DKK2: variants seen among roughly 807,000 people sequenced by gnomAD.
DKK2 encodes the protein dickkopf-related protein 2.
In DKK2, 11 loss-of-function variants were observed where a neutral mutation model predicts 28.1. That is an observed-to-expected ratio of 0.39 (90% CI 0.25 to 0.65). DKK2 has a LOEUF of 0.65. DKK2 is among the 30% of genes least tolerant of loss of function. The probability of loss-of-function intolerance (pLI) is 0.47; values close to 1 mark genes in which losing one functional copy is unlikely to be tolerated. For missense variants in DKK2, 326 were observed against 335.5 expected, an observed-to-expected ratio of 0.97 and a Z score of 0.22; for synonymous variants, 135 against 126.5, an observed-to-expected ratio of 1.07 and a Z score of -0.45.
intron 1 of DKK2, among the ~76,000 whole-genome samples, chr4:106,959,051 T>C (rs1021422571): frequency 6.6e-6 from 1 of 151,994 alleles, no homozygotes; most frequent in Non-Finnish European, 1.5e-5. Flanking sequence ...AGATATTAAA[T>C]ACATATGTGT....
At chr4:107,022,045 G>A (rs944698253) in intron 1 of DKK2, among the ~76,000 whole-genome samples, 6 of 152,004 alleles carry the variant, frequency 3.9e-5, no homozygotes, top group African/African-American at 1.4e-4. Flanking sequence ...AAAGCAGAAT[G>A]TTTCCATCCT....
intron 1 of DKK2, among the ~76,000 whole-genome samples, chr4:106,965,789 C>T (rs922139759): frequency 2.2e-5 from 3 of 136,958 alleles, no homozygotes; most frequent in Non-Finnish European, 4.6e-5. Context: ...TATTCCCCTT[C>T]CTGTGTCCAT....
chr4:106,935,808 C>G (rs544424321), intron 1 of DKK2, among the ~76,000 whole-genome samples: 5 of 152,290 alleles, frequency 3.3e-5, no homozygotes, highest in African/African-American at 4.8e-5. Context: ...GTCTCTGAAC[C>G]CTGACCCCCG....
intron 1 of DKK2, among the ~76,000 whole-genome samples, chr4:106,969,748 A>G (rs1424745681): frequency 1.3e-5 from 2 of 152,118 alleles, no homozygotes; most frequent in Non-Finnish European, 2.9e-5. Flanking sequence ...GGTGGCAGCA[A>G]AAGGAAAAGG....
At chr4:106,967,038 C>T (rs1387690316) in intron 1 of DKK2, among the ~76,000 whole-genome samples, 1 of 152,096 alleles carries the variant, frequency 6.6e-6, no homozygotes, top group Non-Finnish European at 1.5e-5. Flanking sequence ...GGAGGAACAA[C>T]TGTATTTAAA....
At chr4:106,948,478 T>C (rs902678792) in intron 1 of DKK2, among the ~76,000 whole-genome samples, 1 of 152,170 alleles carries the variant, frequency 6.6e-6, no homozygotes, top group African/African-American at 2.4e-5. Flanking sequence ...AGTCAGCTTG[T>C]AGGGGGTACT....
At chr4:106,956,055 T>C (rs1354492116) in intron 1 of DKK2, among the ~76,000 whole-genome samples, 2 of 152,182 alleles carry the variant, frequency 1.3e-5, no homozygotes, top group Non-Finnish European at 2.9e-5. Context: ...CCCAAAACAG[T>C]TTCTGGTACA....
chr4:107,030,220 G>T (rs1161631430), intron 1 of DKK2, among the ~76,000 whole-genome samples: 1 of 152,060 alleles, frequency 6.6e-6, no homozygotes, highest in African/African-American at 2.4e-5. Flanking sequence ...TTCTTTGAAA[G>T]AATGCTTTAT....
Position 106,925,790 on chromosome 4 carries a change from A to C in DKK2, c.373+9T>G. On this transcript the variant is annotated intron_variant, in intron 2 of 3. Coordinates refer to ENST00000285311, the MANE Select transcript of DKK2 (RefSeq NM_014421.3). ...AAGAGGCCCATTAACACTTAGTGAGATCTTTTACCATTATTGCAGCGGGTA... is the reference window on the plus strand; with the variant it reads ...AAGAGGCCCATTAACACTTAGTGAGCTCTTTTACCATTATTGCAGCGGGTA... 6.2e-7 allele frequency: 1 copy of C among 1,603,248 alleles called. No individual in the cohort carries two copies.
At chr4:106,999,946 C>T (rs113748743) in intron 1 of DKK2, among the ~76,000 whole-genome samples, 27 of 151,752 alleles carry the variant, frequency 1.8e-4, no homozygotes, top group African/African-American at 6.0e-4. Context: ...AATCTCACTA[C>T]AAAAATGCAT....
At chr4:107,019,776 T>C (rs1020176981) in intron 1 of DKK2, among the ~76,000 whole-genome samples, 4 of 152,060 alleles carry the variant, frequency 2.6e-5, no homozygotes, top group African/African-American at 7.2e-5. Context: ...CTACAGAATA[T>C]CACTCCCTCA....
In DKK2 at chr4:106,929,961, C is replaced by T. The variant is rs756976884; in HGVS notation, c.223-4012G>A. 3.9e-5 allele frequency among the ~76,000 whole-genome samples: 6 copies of T among 152,158 alleles called. No homozygotes were observed. The South Asian group carries it at 6.2e-4, about 16-fold the overall frequency. ...AATAGTGAGAGTTTAAAGGATACAT[C>T]GACAAGGTGACTGAGTGGTGACCTA... On this transcript the variant is annotated intron_variant, in intron 1 of 3. Transcript: ENST00000285311.
chr4:107,013,689 T>C (rs917880250), intron 1 of DKK2, among the ~76,000 whole-genome samples: 2 of 151,302 alleles, frequency 1.3e-5, no homozygotes, highest in Admixed American at 1.3e-4. Flanking sequence ...AATAGACACA[T>C]GGGATTGCAT....
At chr4:106,989,229 C>A (rs928442430) in intron 1 of DKK2, among the ~76,000 whole-genome samples, 1 of 152,138 alleles carries the variant, frequency 6.6e-6, no homozygotes, top group African/African-American at 2.4e-5. Flanking sequence ...AAACCAACAA[C>A]TTTCTCCCAT....
At chr4:107,009,780 C>A (rs1723490099) in intron 1 of DKK2, among the ~76,000 whole-genome samples, 1 of 151,710 alleles carries the variant, frequency 6.6e-6, no homozygotes. Context: ...CATTCTTGAA[C>A]AAGTATCAAA....
chr4:107,011,884 GAA>G (rs1310740178), intron 1 of DKK2, among the ~76,000 whole-genome samples: 1 of 151,384 alleles, frequency 6.6e-6, no homozygotes, highest in Non-Finnish European at 1.5e-5. Context: ...TATTATTAAT[GAA>G]AAGAGTTTTG....
intron 1 of DKK2, among the ~76,000 whole-genome samples, chr4:106,959,025 G>T (rs1324027767): frequency 6.6e-6 from 1 of 151,364 alleles, no homozygotes; most frequent in Admixed American, 6.6e-5. Context: ...GTTAATATAT[G>T]AATATAAAAG....
intron 1 of DKK2, among the ~76,000 whole-genome samples, chr4:106,977,292 C>T (rs13118093): frequency 6.6e-6 from 1 of 152,168 alleles, no homozygotes; most frequent in Admixed American, 6.5e-5. Context: ...GCCTGTCTTG[C>T]TAGGTTGGGA....
At chr4:106,939,644 T>C (rs1724661161) in intron 1 of DKK2, among the ~76,000 whole-genome samples, 1 of 152,152 alleles carries the variant, frequency 6.6e-6, no homozygotes, top group Non-Finnish European at 1.5e-5. Context: ...AGAGCCCGCA[T>C]CGCCAAGTCA....
Sources: gnomAD v4.1 joint callset for allele counts (sites outside exome capture counted in the v4.1 genomes callset) on GRCh38, gnomAD v4.1.1 for gene constraint, MANE v1.5 for transcripts, NCBI Gene and HGNC (gene_info 2026-07-23, HGNC 2026-07-21) for gene names.